COMMD10: variants seen among roughly 807,000 people sequenced by gnomAD.
The protein encoded by COMMD10 is COMM domain-containing protein 10.
Under a neutral mutation model 28.9 loss-of-function variants are expected in COMMD10, and 33 were observed. That is an observed-to-expected ratio of 1.14 (90% CI 0.87 to 1.53). The LOEUF is 1.53. Ranked by LOEUF, COMMD10 falls within the 40% of genes most tolerant of loss-of-function variation. The pLI is 0.00. For missense variants in COMMD10, 310 were observed against 233.4 expected, an observed-to-expected ratio of 1.33 and a Z score of -2.14; for synonymous variants, 110 against 81.7, an observed-to-expected ratio of 1.35 and a Z score of -1.87.
chr5:116,104,182 G>A (rs1476187512), intron 4 of COMMD10, among the ~76,000 whole-genome samples: 2 of 152,110 alleles, frequency 1.3e-5, no homozygotes, highest in Non-Finnish European at 2.9e-5. Flanking sequence ...AATGCTGTGA[G>A]GAAAGTCAAT....
At chr5:116,133,100 T>A (rs1751912230) in intron 4 of COMMD10, among the ~76,000 whole-genome samples, 2 of 152,192 alleles carry the variant, frequency 1.3e-5, no homozygotes, top group Non-Finnish European at 2.9e-5. Context: ...ATTGTGAGCC[T>A]GCCATTCTTA....
At chr5:116,192,998 G>A (rs541243523) in intron 5 of COMMD10, among the ~76,000 whole-genome samples, 73 of 152,286 alleles carry the variant, frequency 4.8e-4, no homozygotes, top group African/African-American at 1.7e-3. Flanking sequence ...GAAGGGATTA[G>A]CCTTATCTTC....
chr5:116,138,366 G>A (rs923860884), intron 5 of COMMD10, among the ~76,000 whole-genome samples: 9 of 151,848 alleles, frequency 5.9e-5, no homozygotes, highest in African/African-American at 2.2e-4. Context: ...AGGTTATGAT[G>A]TAACTAGTTC....
intron 5 of COMMD10, among the ~76,000 whole-genome samples, chr5:116,242,071 C>A (rs946587174): frequency 6.6e-6 from 1 of 152,170 alleles, no homozygotes; most frequent in African/African-American, 2.4e-5. Flanking sequence ...CCTAAGGTAA[C>A]TCTAATGTAC....
At chr5:116,087,916 A>G (rs1224419176) in intron 2 of COMMD10, among the ~76,000 whole-genome samples, 2 of 152,218 alleles carry the variant, frequency 1.3e-5, no homozygotes, top group Non-Finnish European at 2.9e-5. Flanking sequence ...TTGGGACTAA[A>G]GTTCTAAAAA....
At chr5:116,092,898 A>G (rs1750347305) in intron 4 of COMMD10, among the ~76,000 whole-genome samples, 198 bp downstream of exon 4, 1 of 152,206 alleles carries the variant, frequency 6.6e-6, no homozygotes, top group Non-Finnish European at 1.5e-5. Flanking sequence ...TCAAAAACAG[A>G]GTACACTCTA....
intron 5 of COMMD10, among the ~76,000 whole-genome samples, chr5:116,211,460 A>T (rs1426068683): frequency 6.6e-6 from 1 of 152,162 alleles, no homozygotes; most frequent in Non-Finnish European, 1.5e-5. Context: ...GCACTACCAC[A>T]TTATGATGGC....
At chr5:116,182,831 A>T (rs1207816922) in intron 5 of COMMD10, among the ~76,000 whole-genome samples, 1 of 152,094 alleles carries the variant, frequency 6.6e-6, no homozygotes, top group Non-Finnish European at 1.5e-5. Flanking sequence ...CAAGGGCAGG[A>T]CCAAGTAGAT....
chr5:116,194,907 A>G (rs967202947), intron 5 of COMMD10, among the ~76,000 whole-genome samples: 1 of 152,208 alleles, frequency 6.6e-6, no homozygotes, highest in African/African-American at 2.4e-5. Flanking sequence ...ATAGATGCTA[A>G]AATCCTTAAC....
intron 4 of COMMD10, among the ~76,000 whole-genome samples, chr5:116,115,300 C>G (rs916633071): frequency 1.1e-4 from 16 of 152,174 alleles, no homozygotes; most frequent in African/African-American, 3.6e-4. Flanking sequence ...CAGAAAGACA[C>G]TCAGTTACCT....
chr5:116,286,846 T>G (rs560040257), intron 5 of COMMD10, among the ~76,000 whole-genome samples: 1 of 151,880 alleles, frequency 6.6e-6, no homozygotes, highest in East Asian at 1.9e-4. Flanking sequence ...TTGATTAGAG[T>G]GTTCCGTATA....
intron 5 of COMMD10, among the ~76,000 whole-genome samples, chr5:116,289,343 G>C (rs1359076560): frequency 6.6e-6 from 1 of 151,690 alleles, no homozygotes. Flanking sequence ...ATTTTTGCTG[G>C]GCATTTTGAA....
intron 5 of COMMD10, among the ~76,000 whole-genome samples, chr5:116,171,465 A>G (rs796472359): frequency 5.9e-5 from 9 of 152,276 alleles, no homozygotes; most frequent in South Asian, 2.1e-4. Context: ...TGATACAGCA[A>G]TCCCCTTACT....
At chr5:116,157,470 T>C (rs1561637212) in intron 5 of COMMD10, among the ~76,000 whole-genome samples, 1 of 152,168 alleles carries the variant, frequency 6.6e-6, no homozygotes, top group Non-Finnish European at 1.5e-5. Flanking sequence ...GAGTGGACTT[T>C]ATGTCGGTTA....
At chr5:116,213,035 G>A (rs1749008640) in intron 5 of COMMD10, among the ~76,000 whole-genome samples, 2 of 151,984 alleles carry the variant, frequency 1.3e-5, no homozygotes, top group African/African-American at 4.8e-5. Flanking sequence ...TAATAAGTAT[G>A]TTAATGATTA....
rs576079535 is a variant in COMMD10 at position 116,240,419 on chromosome 5, T to A, written c.511-51098T>A. ...TTAATTGTAATATTTTAATTACAAA[T>A]TAGCTTTTCCTGAGAAAACTTCATA... is the stretch of plus-strand genomic sequence containing the variant. On this transcript the variant is annotated intron_variant, in intron 5 of 6. Coordinates refer to ENST00000274458, the MANE Select transcript of COMMD10 (RefSeq NM_016144.4). 2.0e-5 allele frequency among the ~76,000 whole-genome samples: 3 copies of A among 152,308 alleles called. No homozygotes were observed. The East Asian group carries it at 5.8e-4, about 29-fold the overall frequency.
At chr5:116,105,211 G>A (rs1290904360) in intron 4 of COMMD10, among the ~76,000 whole-genome samples, 2 of 152,152 alleles carry the variant, frequency 1.3e-5, no homozygotes, top group Non-Finnish European at 2.9e-5. Flanking sequence ...CATCTGTTGA[G>A]ATAATCTTGT....
chr5:116,094,839 C>G (rs187956257), intron 4 of COMMD10, among the ~76,000 whole-genome samples: 1 of 152,180 alleles, frequency 6.6e-6, no homozygotes, highest in East Asian at 1.9e-4. Flanking sequence ...AATATTCAAC[C>G]ATAAAAGAGA....
chr5:116,244,494 C>A (rs1460392730), intron 5 of COMMD10, among the ~76,000 whole-genome samples: 2 of 151,652 alleles, frequency 1.3e-5, no homozygotes, highest in Non-Finnish European at 2.9e-5. Flanking sequence ...AATTAAAATA[C>A]AATGATATAT....
Sources: gnomAD v4.1 joint callset for allele counts (sites outside exome capture counted in the v4.1 genomes callset) on GRCh38, gnomAD v4.1.1 for gene constraint, MANE v1.5 for transcripts, NCBI Gene and HGNC (gene_info 2026-07-23, HGNC 2026-07-21) for gene names.